TRIP12: variants seen among roughly 807,000 people sequenced by gnomAD.
TRIP12 encodes the protein E3 ubiquitin-protein ligase TRIP12.
In TRIP12, 25 loss-of-function variants were observed where a neutral mutation model predicts 244.2. That is an observed-to-expected ratio of 0.10 (90% CI 0.07 to 0.14). The LOEUF is 0.14. Among genes scored for constraint, TRIP12 ranks in the 10% least tolerant of loss-of-function variants. TRIP12 has a pLI of 1.00. For missense variants in TRIP12, 1,677 were observed against 2,486.4 expected, an observed-to-expected ratio of 0.67 and a Z score of 6.92; for synonymous variants, 905 against 873.1, an observed-to-expected ratio of 1.04 and a Z score of -0.64.
chr2:229,886,008 A>G (rs1192228213), intron 1 of TRIP12, among the ~76,000 whole-genome samples: 1 of 152,204 alleles, frequency 6.6e-6, no homozygotes, highest in Non-Finnish European at 1.5e-5. Context: ...ATTAAGTACA[A>G]TCTTAAAGAA....
At chr2:229,891,700 G>A (rs1377104446) in intron 1 of TRIP12, among the ~76,000 whole-genome samples, 3 of 152,196 alleles carry the variant, frequency 2.0e-5, no homozygotes, top group Non-Finnish European at 2.9e-5. Context: ...CTGTGACACA[G>A]ATTTACGCTA....
At chr2:229,769,348 AAAG>A in intron 39 of TRIP12, 23 bp from the exon 40 acceptor site, 1 of 1,608,922 alleles carries the variant, frequency 6.2e-7, no homozygotes, top group Non-Finnish European at 8.5e-7. Context: ...ATAAGGGTAA[AAAG>A]AATTACTAAG....
intron 15 of TRIP12, among the ~76,000 whole-genome samples, chr2:229,809,926 C>G (rs566948288): frequency 6.6e-6 from 1 of 152,218 alleles, no homozygotes; most frequent in South Asian, 2.1e-4. Context: ...ACCACTCAGA[C>G]AGAGTGGGAC....
At chr2:229,861,701 T>C (rs1214101991) in intron 2 of TRIP12, among the ~76,000 whole-genome samples, 1 of 152,178 alleles carries the variant, frequency 6.6e-6, no homozygotes, top group East Asian at 1.9e-4. Flanking sequence ...GTTTCTCTTT[T>C]CTGTATCACT....
intron 2 of TRIP12, among the ~76,000 whole-genome samples, chr2:229,869,216 T>G (rs897721933): frequency 3.9e-5 from 6 of 152,170 alleles, no homozygotes; most frequent in Admixed American, 2.0e-4. Flanking sequence ...ATTTCAACCC[T>G]TCCTTACTCC....
intron 34 of TRIP12, among the ~76,000 whole-genome samples, chr2:229,784,103 T>A (rs896221544): frequency 2.2e-5 from 2 of 92,072 alleles, no homozygotes; most frequent in African/African-American, 9.3e-5. Flanking sequence ...AGAGCAAAAC[T>A]CCGTCTCAAA....
intron 1 of TRIP12, among the ~76,000 whole-genome samples, chr2:229,893,101 T>C (rs2067794877): frequency 6.6e-6 from 1 of 152,198 alleles, no homozygotes; most frequent in Non-Finnish European, 1.5e-5. Flanking sequence ...AAGTTGAGAA[T>C]TGCTCAATAC....
chr2:229,780,541 T>C (rs1295796836), intron 34 of TRIP12, among the ~76,000 whole-genome samples: 1 of 152,150 alleles, frequency 6.6e-6, no homozygotes, highest in African/African-American at 2.4e-5. Context: ...ACGGCCTACA[T>C]GACCCCTCTG....
At chr2:229,783,480 G>A (rs954655119) in intron 34 of TRIP12, among the ~76,000 whole-genome samples, 1 of 152,106 alleles carries the variant, frequency 6.6e-6, no homozygotes, top group Non-Finnish European at 1.5e-5. Flanking sequence ...ATACAAAAAC[G>A]AACTGTATTT....
At chr2:229,907,611 C>A (rs908309396) in intron 1 of TRIP12, among the ~76,000 whole-genome samples, 6 of 152,138 alleles carry the variant, frequency 3.9e-5, no homozygotes, top group African/African-American at 1.4e-4. Flanking sequence ...TCAAGACCAG[C>A]CTGGGCAACG....
intron 1 of TRIP12, among the ~76,000 whole-genome samples, chr2:229,907,818 TTAA>T (rs1030349712): frequency 7.2e-5 from 11 of 152,070 alleles, no homozygotes; most frequent in African/African-American, 2.2e-4. Context: ...AAATAACAAA[TTAA>T]TAATAATAAT....
chr2:229,876,402 A>T (rs1168212394), intron 2 of TRIP12, among the ~76,000 whole-genome samples: 1 of 152,190 alleles, frequency 6.6e-6, no homozygotes, highest in African/African-American at 2.4e-5. Context: ...TATTTAGAAG[A>T]GCCAGCATCT....
At chr2:229,897,770 G>A (rs1440126696) in intron 1 of TRIP12, among the ~76,000 whole-genome samples, 1 of 152,142 alleles carries the variant, frequency 6.6e-6, no homozygotes, top group Non-Finnish European at 1.5e-5. Context: ...TAGACATTTC[G>A]TTAGATGCCT....
chr2:229,814,159 G>A, intron 12 of TRIP12, 74 bp downstream of exon 12: 1 of 1,553,780 alleles, frequency 6.4e-7, no homozygotes, highest in Non-Finnish European at 8.8e-7. Context: ...CTGCAATCAA[G>A]TAGCCTGTAC....
intron 9 of TRIP12, among the ~76,000 whole-genome samples, chr2:229,817,792 A>T (rs2048877113): frequency 6.6e-6 from 1 of 152,078 alleles, no homozygotes. Flanking sequence ...ATGGGGTTTC[A>T]CCATGTTGGC....
In TRIP12 at chr2:229,818,469, A is replaced by C; in HGVS notation, c.1494T>G (p.Asp498Glu). The C allele has an allele frequency of 6.2e-7, 1 of 1,614,146 alleles. No individual in the cohort carries two copies. The highest frequency in any genetic ancestry group is 1.3e-5 in the African/African-American group (1 of 75,056). Residue 498 changes from aspartate (D) to glutamate (E), a missense_variant, in exon 9 of 42, where the codon GAT (aspartate) becomes GAG (glutamate). Physicochemically the swap from Asp to Glu is conservative, Grantham distance 45. Transcript: ENST00000675903. ...QQLLQGLQAS[D>E]ESQQLQAVIE... Reference sequence around the variant, plus strand: ...TAACTGCCTGAAGCTGTTGACTTTCATCACTGGCTTGCAATCCTTGTAGTA... The same window carrying C: ...TAACTGCCTGAAGCTGTTGACTTTCCTCACTGGCTTGCAATCCTTGTAGTA...
chr2:229,795,974 TAC>T (rs1284932750), intron 25 of TRIP12, among the ~76,000 whole-genome samples: 1 of 152,204 alleles, frequency 6.6e-6, no homozygotes, highest in Non-Finnish European at 1.5e-5. Context: ...TAAGCCCTAT[TAC>T]ACAGATAATA....
intron 34 of TRIP12, among the ~76,000 whole-genome samples, chr2:229,782,961 A>G (rs2038760167): frequency 6.6e-6 from 1 of 152,128 alleles, no homozygotes; most frequent in South Asian, 2.1e-4. Context: ...AAGAGGGGGG[A>G]AGTATCCCAA....
At chr2:229,888,090 C>T (rs1242633708) in intron 1 of TRIP12, among the ~76,000 whole-genome samples, 1 of 152,158 alleles carries the variant, frequency 6.6e-6, no homozygotes, top group Non-Finnish European at 1.5e-5. Flanking sequence ...AGTATCTTTG[C>T]TATTTACATT....
Sources: gnomAD v4.1 joint callset for allele counts (sites outside exome capture counted in the v4.1 genomes callset) on GRCh38, gnomAD v4.1.1 for gene constraint, MANE v1.5 for transcripts, NCBI Gene and HGNC (gene_info 2026-07-23, HGNC 2026-07-21) for gene names.